The following GPC6 variants were observed in gnomAD, a reference collection of about 807,000 sequenced individuals.
GPC6 encodes the protein glypican 6, also known as glypican-6.
A neutral mutation model predicts 55.2 loss-of-function variants in GPC6; 14 were observed. That is an observed-to-expected ratio of 0.25 (90% confidence interval 0.17 to 0.40). GPC6 has a LOEUF of 0.40. Among genes scored for constraint, GPC6 ranks in the 10% least tolerant of loss-of-function variants. GPC6 has a pLI of 1.00. For missense variants in GPC6, 641 were observed against 708.5 expected (o/e 0.90, Z 1.08); for synonymous variants, 278 against 259.6 (o/e 1.07, Z -0.68).
intron 2 of GPC6, among the ~76,000 whole-genome samples, chr13:93,799,899 A>C (rs1374335739): frequency 6.6e-6 from 1 of 152,136 alleles, no homozygotes; most frequent in Non-Finnish European, 1.5e-5. Context: ...AAAAAATTCC[A>C]CTTTCATGTA....
chr13:93,364,167 T>C (rs530908945), intron 1 of GPC6, among the ~76,000 whole-genome samples: 5 of 152,204 alleles, frequency 3.3e-5, no homozygotes, highest in African/African-American at 1.2e-4. Flanking sequence ...ATTTTGGCTT[T>C]TGTTGCCATT....
rs979347329 is a variant in GPC6 at position 93,984,309 on chromosome 13, A to G, written c.712-43420A>G. 3.9e-5 allele frequency among the ~76,000 whole-genome samples: 6 copies of G among 152,280 alleles called. No homozygotes were observed. In the South Asian group the frequency reaches 6.2e-4, roughly 16 times the overall value. On this transcript the variant is annotated intron_variant, in intron 3 of 8. Transcript: ENST00000377047. ...CATTATTCTGGGCATTGTTTGATGC[A>G]TGAAGGAGGCTTTACGTAAATAGTA...
At chr13:93,386,324 G>C (rs188238079) in intron 1 of GPC6, among the ~76,000 whole-genome samples, 31 of 152,218 alleles carry the variant, frequency 2.0e-4, no homozygotes, top group Admixed American at 2.0e-3. Context: ...TTAAAATAAT[G>C]TTTATTGTTT....
At chr13:93,449,634 C>G (rs1987681) in intron 1 of GPC6, among the ~76,000 whole-genome samples, 24,150 of 151,996 alleles carry the variant, frequency 0.16, 2,479 homozygotes, top group East Asian at 0.47. Flanking sequence ...TCGAAACCAG[C>G]TTGGCCAACA....
chr13:93,319,242 C>T (rs1360992006), intron 1 of GPC6, among the ~76,000 whole-genome samples: 3 of 152,046 alleles, frequency 2.0e-5, no homozygotes, highest in Non-Finnish European at 4.4e-5. Context: ...CTGCAGCCCT[C>T]GTGCATAGTG....
chr13:93,772,380 C>T (rs1885330973), intron 2 of GPC6, among the ~76,000 whole-genome samples: 1 of 151,722 alleles, frequency 6.6e-6, no homozygotes. Flanking sequence ...CAGCTAAAGC[C>T]CTGTTGTCTC....
intron 2 of GPC6, among the ~76,000 whole-genome samples, chr13:93,562,755 T>C (rs567271069): frequency 6.6e-6 from 1 of 152,320 alleles, no homozygotes; most frequent in East Asian, 1.9e-4. Context: ...TGTTAAGTAA[T>C]ACTATGTGCC....
At chr13:93,393,156 AG>A (rs1875708702) in intron 1 of GPC6, among the ~76,000 whole-genome samples, 140 of 142,568 alleles carry the variant, frequency 9.8e-4, no homozygotes, top group African/African-American at 3.3e-3. Context: ...AGAGAGAGAG[AG>A]AGTGAGAGTC....
At chr13:94,063,343 T>C (rs1425845898) in intron 4 of GPC6, among the ~76,000 whole-genome samples, 1 of 152,186 alleles carries the variant, frequency 6.6e-6, no homozygotes, top group African/African-American at 2.4e-5. Context: ...TTCAACAAAG[T>C]ATTTGGATGT....
chr13:94,345,894 C>A (rs532685941), intron 6 of GPC6, among the ~76,000 whole-genome samples: 2 of 152,290 alleles, frequency 1.3e-5, no homozygotes, highest in African/African-American at 4.8e-5. Flanking sequence ...GCAGCAGAAG[C>A]ATGCGCCCCC....
chr13:93,858,152 A>G (rs1403866188), intron 3 of GPC6, among the ~76,000 whole-genome samples: 3 of 151,606 alleles, frequency 2.0e-5, no homozygotes, highest in Non-Finnish European at 4.4e-5. Context: ...GTTGCTATTG[A>G]TATTTTTCAG....
intron 3 of GPC6, among the ~76,000 whole-genome samples, chr13:93,955,282 C>T (rs1594618222): frequency 1.3e-5 from 2 of 149,160 alleles, no homozygotes; most frequent in South Asian, 4.2e-4. Flanking sequence ...CACACACACA[C>T]ACACACCTGC....
intron 4 of GPC6, among the ~76,000 whole-genome samples, chr13:94,155,345 A>T (rs1195258678): frequency 1.3e-5 from 2 of 152,174 alleles, no homozygotes; most frequent in African/African-American, 4.8e-5. Flanking sequence ...CACCTTTTAA[A>T]TACCACTGAG....
intron 6 of GPC6, among the ~76,000 whole-genome samples, chr13:94,310,782 A>G (rs942609728): frequency 1.3e-5 from 2 of 152,056 alleles, no homozygotes; most frequent in Non-Finnish European, 2.9e-5. Context: ...CAAGTTTTCA[A>G]TCTAATCTTG....
At chr13:93,285,253 A>G (rs1217399877) in intron 1 of GPC6, among the ~76,000 whole-genome samples, 3 of 152,202 alleles carry the variant, frequency 2.0e-5, no homozygotes, top group Non-Finnish European at 1.5e-5. Context: ...TGGTAATCCT[A>G]TTACCCATAG....
intron 3 of GPC6, among the ~76,000 whole-genome samples, chr13:94,027,382 A>G (rs1337589311): frequency 1.3e-5 from 2 of 152,184 alleles, no homozygotes; most frequent in Non-Finnish European, 2.9e-5. Flanking sequence ...AAAATTTTCT[A>G]AATGTGTCAC....
At chr13:93,332,782 G>A (rs1879898839) in intron 1 of GPC6, among the ~76,000 whole-genome samples, 1 of 152,006 alleles carries the variant, frequency 6.6e-6, no homozygotes, top group Non-Finnish European at 1.5e-5. Flanking sequence ...AAAAATTTAT[G>A]TCCTGAAGTG....
At chr13:93,581,414 A>C (rs1335489051) in intron 2 of GPC6, among the ~76,000 whole-genome samples, 1 of 152,238 alleles carries the variant, frequency 6.6e-6, no homozygotes, top group Non-Finnish European at 1.5e-5. Context: ...AATATTATCT[A>C]AAATAAAATC....
At chr13:93,523,984 G>A (rs1482382451) in intron 1 of GPC6, among the ~76,000 whole-genome samples, 1 of 151,914 alleles carries the variant, frequency 6.6e-6, no homozygotes, top group Non-Finnish European at 1.5e-5. Flanking sequence ...GAATTAGAGA[G>A]ATATCCTCAC....
Sources: allele counts gnomAD v4.1 joint callset (sites outside exome capture counted in the v4.1 genomes callset), GRCh38; gene constraint gnomAD v4.1.1; transcripts MANE v1.5; gene names NCBI Gene and HGNC (gene_info 2026-07-23, HGNC 2026-07-21).